Variants in C1QTNF3 observed in about 807,000 individuals in gnomAD.
C1QTNF3 encodes the protein complement C1q tumor necrosis factor-related protein 3.
In C1QTNF3, 26 loss-of-function variants were observed where a neutral mutation model predicts 32.6. The observed-to-expected ratio is 0.80, with a 90% confidence interval of 0.58 to 1.11. The LOEUF (loss-of-function observed/expected upper bound fraction) is 1.11. Among genes scored for constraint, C1QTNF3 ranks in the 50% least tolerant of loss-of-function variants. The pLI, the probability that C1QTNF3 is intolerant of heterozygous loss-of-function variation, is 0.00. For synonymous variants in C1QTNF3, 155 were observed against 146.0 expected, an observed-to-expected ratio of 1.06 and a Z score of -0.44; for missense variants, 362 against 398.2, an observed-to-expected ratio of 0.91 and a Z score of 0.77.
chr5:34,124,925 C>A, the C1QTNF3 span, among the ~76,000 whole-genome samples: 1 of 152,116 alleles, frequency 6.6e-6, no homozygotes, highest in African/African-American at 2.4e-5. Flanking sequence ...ATCTCCTATA[C>A]GCCACTCTCA....
chr5:34,032,022 T>C (rs1754626193), intron 3 of C1QTNF3, among the ~76,000 whole-genome samples: 1 of 152,252 alleles, frequency 6.6e-6, no homozygotes, highest in African/African-American at 2.4e-5. Flanking sequence ...AATCGCTTTA[T>C]AGTCTAGTTC....
the C1QTNF3 span, among the ~76,000 whole-genome samples, chr5:34,197,888 C>A: frequency 6.6e-6 from 1 of 152,056 alleles, no homozygotes; most frequent in Non-Finnish European, 1.5e-5. Flanking sequence ...TTACTGTCCT[C>A]TAGCTCACAT....
Position 34,043,066 on chromosome 5 carries a change from G to C in C1QTNF3, c.60C>G (p.Cys20Trp), listed in dbSNP as rs1754914328. The change falls in exon 1 of 6, where the codon TGC becomes TGG. Residue 20 changes from cysteine to tryptophan, a missense_variant. Cys to Trp is a radical substitution (Grantham distance 215, BLOSUM62 -2). Transcript: ENST00000382065. The stretch of plus-strand genomic sequence containing the variant: ...CCTCCATGTATTCATCTTGACACAG[G>C]CAAAAAGGGAGGAAAAACAAAGCCA... The part of the protein sequence containing the change: ...QLLALFFLPF[C>W]LCQDEYMEVS... 6.2e-7 allele frequency: 1 copy of C among 1,613,398 alleles called. No individual in the cohort carries two copies. The highest frequency in any genetic ancestry group is 8.5e-7 in the Non-Finnish European group (1 of 1,179,872).
At chr5:34,202,600 CCATAT>C in the C1QTNF3 span, among the ~76,000 whole-genome samples, 1 of 150,482 alleles carries the variant, frequency 6.6e-6, no homozygotes, top group Non-Finnish European at 1.5e-5. Flanking sequence ...TGGGTCATTA[CCATAT>C]ATTACTTTAT....
chr5:34,154,301 T>C, the C1QTNF3 span, among the ~76,000 whole-genome samples: 2 of 152,156 alleles, frequency 1.3e-5, no homozygotes, highest in East Asian at 1.9e-4. Flanking sequence ...ATCAAATGTG[T>C]ATTTATTTAT....
the C1QTNF3 span, among the ~76,000 whole-genome samples, chr5:34,195,278 T>C: frequency 1.3e-5 from 2 of 151,384 alleles, no homozygotes; most frequent in Admixed American, 1.3e-4. Flanking sequence ...AAAATAAAAA[T>C]TTTTAAAGCT....
chr5:34,028,249 G>A (rs1179825570), intron 4 of C1QTNF3, among the ~76,000 whole-genome samples: 1 of 152,194 alleles, frequency 6.6e-6, no homozygotes, highest in Middle Eastern at 3.2e-3. Flanking sequence ...TGGGATTACA[G>A]GCATGAGCCA....
chr5:34,122,099 G>A, the C1QTNF3 span, among the ~76,000 whole-genome samples: 3 of 152,186 alleles, frequency 2.0e-5, no homozygotes, highest in Non-Finnish European at 4.4e-5. Context: ...TAGTACTAAA[G>A]AGTGGGGGTG....
chr5:34,073,650 C>T, the C1QTNF3 span, among the ~76,000 whole-genome samples: 1 of 152,136 alleles, frequency 6.6e-6, no homozygotes, highest in African/African-American at 2.4e-5. Flanking sequence ...ATATTGTTGG[C>T]AATTGCAGCC....
chr5:34,114,340 A>G, the C1QTNF3 span, among the ~76,000 whole-genome samples: 1 of 152,322 alleles, frequency 6.6e-6, no homozygotes, highest in South Asian at 2.1e-4. Context: ...AGGTAACTAA[A>G]TAACAGTCAT....
chr5:34,217,715 G>A, the C1QTNF3 span, among the ~76,000 whole-genome samples: 1 of 152,088 alleles, frequency 6.6e-6, no homozygotes, highest in Non-Finnish European at 1.5e-5. Flanking sequence ...ATGAACACTG[G>A]AAGGTTAAAA....
chr5:34,124,571 A>T, the C1QTNF3 span: 1 of 636,842 alleles, frequency 1.6e-6, no homozygotes, highest in East Asian at 2.9e-5. Flanking sequence ...CACTATCACA[A>T]GAACAGCACT....
the C1QTNF3 span, among the ~76,000 whole-genome samples, chr5:34,082,898 G>T: frequency 2.0e-5 from 3 of 151,716 alleles, 1 homozygote; most frequent in African/African-American, 4.9e-5. Flanking sequence ...GTTTCATAGT[G>T]TGCAAACCTT....
the C1QTNF3 span, chr5:34,166,473 A>G: frequency 6.6e-6 from 1 of 152,164 alleles, no homozygotes; most frequent in Non-Finnish European, 1.5e-5. Flanking sequence ...ACTTATATAG[A>G]ACATGGAATA....
chr5:34,158,659 A>T, the C1QTNF3 span: 44 of 152,304 alleles, frequency 2.9e-4, no homozygotes, highest in South Asian at 6.2e-4. Flanking sequence ...GATGACCATT[A>T]TCTGATTTCA....
intron 1 of C1QTNF3, among the ~76,000 whole-genome samples, chr5:34,036,156 G>A (rs920233740): frequency 2.0e-5 from 3 of 152,116 alleles, no homozygotes; most frequent in Non-Finnish European, 2.9e-5. Flanking sequence ...TGAGTAGATG[G>A]TCCTCAAATT....
the C1QTNF3 span, among the ~76,000 whole-genome samples, chr5:34,054,915 C>T: frequency 0.092 from 13,935 of 152,058 alleles, 1,420 homozygotes; most frequent in African/African-American, 0.25. Context: ...CCAAAAAGCA[C>T]GCATATCAAT....
At chr5:34,119,018 G>A in the C1QTNF3 span, among the ~76,000 whole-genome samples, 3 of 152,062 alleles carry the variant, frequency 2.0e-5, no homozygotes, top group Non-Finnish European at 4.4e-5. Flanking sequence ...TGACTCATAT[G>A]TGTCCAAAAT....
chr5:34,121,328 C>T, the C1QTNF3 span, among the ~76,000 whole-genome samples: 90 of 152,090 alleles, frequency 5.9e-4, no homozygotes, highest in South Asian at 3.1e-3. Flanking sequence ...TTTCATGCTG[C>T]TTATAAAGAC....
Sources: gnomAD v4.1 joint callset for allele counts (sites outside exome capture counted in the v4.1 genomes callset) on GRCh38, gnomAD v4.1.1 for gene constraint, MANE v1.5 for transcripts, NCBI Gene and HGNC (gene_info 2026-07-23, HGNC 2026-07-21) for gene names.